The following RIMBP2 variants were observed in gnomAD, a reference collection of about 807,000 sequenced individuals.
RIMBP2 encodes the protein RIMS-binding protein 2.
A neutral mutation model predicts 118.6 loss-of-function variants in RIMBP2; 48 were observed. That is an observed-to-expected ratio of 0.40 (90% CI 0.32 to 0.51). The LOEUF is 0.51. Ranked by LOEUF, RIMBP2 falls within the 20% of genes least tolerant of loss-of-function variation. The probability of loss-of-function intolerance (pLI) is 0.41; values close to 1 mark genes in which losing one functional copy is unlikely to be tolerated. For synonymous variants in RIMBP2, 762 were observed against 742.9 expected (o/e 1.03, Z -0.42); for missense variants, 1,551 against 1,768.3 (o/e 0.88, Z 2.20).
intron 1 of RIMBP2, among the ~76,000 whole-genome samples, chr12:130,643,662 C>T (rs1335680835): frequency 2.6e-5 from 4 of 152,208 alleles, no homozygotes; most frequent in Admixed American, 6.5e-5. Flanking sequence ...TCTGCGGAGG[C>T]GGGGACCACT....
Position 130,436,919 on chromosome 12 carries a change from G to T in RIMBP2, c.2029C>A (p.Gln677Lys). The change falls in exon 13 of 23, where the codon CAG (glutamine) becomes AAG (lysine). Residue 677 changes from glutamine (Q) to lysine (K), a missense_variant. Physicochemically the swap from Gln to Lys is moderately conservative, Grantham distance 53. Transcript: ENST00000690449. ...PSPSRILPQP[Q>K]GTPVSTTVAK... ...ACGGTGGTGGACACCGGGGTGCCCT[G>T]TGGCTGTGGCAGGATGCGGCTGGGT... 1 of 1,603,466 alleles carries T rather than the reference G, an allele frequency of 6.2e-7. No homozygotes were observed. Among genetic ancestry groups the T allele is most frequent in the Non-Finnish European group, 8.5e-7 (1 of 1,176,274 alleles).
Position 130,517,902 on chromosome 12 carries a change from C to G in RIMBP2, c.-201G>C. 5.1e-6 allele frequency: 5 copies of G among 985,534 alleles called. No homozygotes were observed. Among genetic ancestry groups the G allele is most frequent in the Non-Finnish European group, 6.0e-6 (5 of 829,684 alleles). 61.0% of individuals were successfully genotyped at this position (985,534 alleles called of 1,614,324 possible). A position where few individuals can be genotyped will look rare whatever the true frequency, so the allele number is the denominator to read the frequency against. ...AGGAGATACTCTCCCTGGGTGGCAT[C>G]CTTCAGTTCATTTTCCTAGGACAAA... On this transcript the variant is annotated 5_prime_UTR_variant, in exon 3 of 23. Coordinates refer to ENST00000690449, the MANE Select transcript of RIMBP2 (RefSeq NM_001393629.1).
chr12:130,702,452 GT>G (rs2065897593), intron 1 of RIMBP2, among the ~76,000 whole-genome samples: 1 of 152,024 alleles, frequency 6.6e-6, no homozygotes, highest in Admixed American at 6.6e-5. Flanking sequence ...GGAGGCAGAG[GT>G]TGCAGTGAGC....
chr12:130,580,245 C>A, intron 2 of RIMBP2, among the ~76,000 whole-genome samples: 1 of 151,874 alleles, frequency 6.6e-6, no homozygotes, highest in Admixed American at 6.5e-5. Flanking sequence ...TGGCTGTGTC[C>A]CCACCCAAAT....
At chr12:130,709,804 C>T (rs539241186) in intron 1 of RIMBP2, among the ~76,000 whole-genome samples, 274 of 151,654 alleles carry the variant, frequency 1.8e-3, no homozygotes, top group African/African-American at 6.4e-3. Flanking sequence ...GCACCAGGAG[C>T]GTTTAATCAG....
chr12:130,586,655 T>C (rs2058903935), intron 2 of RIMBP2, among the ~76,000 whole-genome samples: 1 of 140,306 alleles, frequency 7.1e-6, no homozygotes. Context: ...ATCCCTTCCT[T>C]ACACCTTATA....
chr12:130,679,403 C>G (rs1201926734), intron 1 of RIMBP2, among the ~76,000 whole-genome samples: 4 of 152,208 alleles, frequency 2.6e-5, no homozygotes, highest in Non-Finnish European at 5.9e-5. Context: ...TAGGAAACAA[C>G]CTCTTTTCTC....
At chr12:130,457,613 C>T (rs898963026) in intron 6 of RIMBP2, among the ~76,000 whole-genome samples, 5 of 152,232 alleles carry the variant, frequency 3.3e-5, no homozygotes, top group African/African-American at 1.2e-4. Context: ...TACCTTCTCA[C>T]CCCGCGTTCC....
rs1364006683 is a variant in RIMBP2 at position 130,683,863 on chromosome 12, T to TCG, written c.-352+32357_-352+32358dup. Among the ~76,000 whole-genome samples the TCG allele has an allele frequency of 6.6e-6, 1 of 152,214 alleles. No individual in the cohort carries two copies. The highest frequency in any genetic ancestry group is 2.4e-5 in the African/African-American group (1 of 41,452). On this transcript the variant is annotated intron_variant, in intron 1 of 22. Transcript: ENST00000690449. The surrounding 1 kb of genome is among the most constrained non-coding windows in gnomAD (Gnocchi z 4.4). ...CATAAAAATAGGCAACCAGCAGCCC[T>TCG]CGGGGTTGTCCTGCCTATGGAATAG...
intron 2 of RIMBP2, among the ~76,000 whole-genome samples, chr12:130,535,247 C>T (rs1336592058): frequency 1.3e-5 from 2 of 152,076 alleles, no homozygotes; most frequent in East Asian, 1.9e-4. Context: ...GCTCCTAATC[C>T]CAGTGCTTTG....
At chr12:130,634,047 G>A (rs553419650) in intron 1 of RIMBP2, among the ~76,000 whole-genome samples, 7 of 152,358 alleles carry the variant, frequency 4.6e-5, no homozygotes, top group African/African-American at 1.7e-4. Context: ...CAGCACGCCT[G>A]TCATAATGAG....
intron 7 of RIMBP2, among the ~76,000 whole-genome samples, chr12:130,454,279 A>G (rs1374519112): frequency 2.0e-5 from 3 of 152,270 alleles, no homozygotes; most frequent in Non-Finnish European, 4.4e-5. Context: ...ATTATCCACT[A>G]TACCTCAAAG....
At chr12:130,567,985 T>C (rs538427774) in intron 2 of RIMBP2, among the ~76,000 whole-genome samples, 2 of 152,152 alleles carry the variant, frequency 1.3e-5, no homozygotes, top group South Asian at 4.2e-4. Context: ...TCACCTGCCA[T>C]GCACCAATTA....
chr12:130,634,043 G>A (rs1436927863), intron 1 of RIMBP2, among the ~76,000 whole-genome samples: 1 of 152,198 alleles, frequency 6.6e-6, no homozygotes, highest in African/African-American at 2.4e-5. Flanking sequence ...CACACAGCAC[G>A]CCTGTCATAA....
At position 130,623,130 on chromosome 12, in the gene RIMBP2, T is replaced by C. The variant is rs955514881; in HGVS notation, c.-217+5192A>G. Among the ~76,000 whole-genome samples, 5 of 152,218 alleles carry C rather than the reference T, an allele frequency of 3.3e-5. No homozygotes were observed. The highest frequency in any genetic ancestry group is 1.2e-4 in the African/African-American group (5 of 41,450). ...TAAAACGAAGGTCAACTGAATACTA[T>C]TAAAGACTGAGGTAATTCCATCCTG... On this transcript the variant is annotated intron_variant, in intron 2 of 22. Transcript: ENST00000690449. This position sits in a 1 kb window ranked among gnomAD's most constrained non-coding sequence, Gnocchi z 4.1.
rs576016710 is a variant in RIMBP2, at chr12:130,439,296, G to GGT, written c.1505-782_1505-781dup. Among the ~76,000 whole-genome samples the GGT allele has an allele frequency of 5.0e-4, 76 of 151,576 alleles. No homozygotes were observed. In the South Asian group the frequency reaches 7.9e-3, roughly 16 times the overall value. The stretch of plus-strand genomic sequence containing the variant: ...TATGTACATTGTGTGTGTATATGTG[G>GGT]GTGTGTGTGTGGGTGTGTATAGATG... On this transcript the variant is annotated intron_variant, in intron 11 of 22. Coordinates refer to ENST00000690449, the MANE Select transcript of RIMBP2 (RefSeq NM_001393629.1).
chr12:130,440,118 C>G (rs957877481), intron 11 of RIMBP2, among the ~76,000 whole-genome samples: 8 of 137,478 alleles, frequency 5.8e-5, no homozygotes, highest in Non-Finnish European at 1.1e-4. Flanking sequence ...ATGGCTAACC[C>G]TGGCCGTACC....
chr12:130,535,742 T>TACATATAC (rs1164884297), intron 2 of RIMBP2, among the ~76,000 whole-genome samples: 6 of 23,126 alleles, frequency 2.6e-4, no homozygotes, highest in African/African-American at 5.8e-4. Context: ...TATATACATA[T>TACATATAC]ATATATATAT....
At position 130,578,467 on chromosome 12, in the gene RIMBP2, C is replaced by T. The variant is rs1033547721; in HGVS notation, c.-217+49855G>A. ...CTCACCTGTCCAACCTCGCCTTGACCTGACTCTCCAGCTGCATCTTCAGCC... is the reference window on the plus strand; with the variant it reads ...CTCACCTGTCCAACCTCGCCTTGACTTGACTCTCCAGCTGCATCTTCAGCC... On this transcript the variant is annotated intron_variant, in intron 2 of 22. Coordinates refer to ENST00000690449, the MANE Select transcript of RIMBP2 (RefSeq NM_001393629.1). The surrounding 1 kb of genome is among the most constrained non-coding windows in gnomAD (Gnocchi z 4.1). 2.6e-5 allele frequency among the ~76,000 whole-genome samples: 4 copies of T among 152,234 alleles called. No homozygotes were observed. Among genetic ancestry groups the T allele is most frequent in the Admixed American group, 6.5e-5 (1 of 15,286 alleles).
Sources: allele counts gnomAD v4.1 joint callset (sites outside exome capture counted in the v4.1 genomes callset), GRCh38; gene constraint gnomAD v4.1.1; non-coding constraint Gnocchi (gnomAD v3.1); transcripts MANE v1.5; gene names NCBI Gene and HGNC (gene_info 2026-07-23, HGNC 2026-07-21).